Variants in SLC17A9 observed in about 807,000 individuals in gnomAD.
The protein encoded by SLC17A9 is solute carrier family 17 member 9.
A neutral mutation model predicts 55.0 loss-of-function variants in SLC17A9; 49 were observed. That is an observed-to-expected ratio of 0.89 (90% confidence interval 0.71 to 1.13). The LOEUF is 1.13. Among genes scored for constraint, SLC17A9 ranks in the 50% most tolerant of loss-of-function variants. SLC17A9 has a pLI of 0.00. For synonymous variants in SLC17A9, 256 were observed against 247.4 expected (o/e 1.03, Z -0.32); for missense variants, 526 against 569.3 (o/e 0.92, Z 0.77).
rs201651649 is a variant in SLC17A9 at position 62,963,713 on chromosome 20, G to A, written c.822+33G>A. 49 of 1,545,730 alleles carry A rather than the reference G, an allele frequency of 3.2e-5. No homozygotes were observed. The Middle Eastern group carries it at 6.8e-4, about 21-fold the overall frequency. On this transcript the variant is annotated intron_variant, in intron 7 of 12. Coordinates refer to ENST00000370351, the MANE Select transcript of SLC17A9 (RefSeq NM_022082.4). ...GGGGGCTCCCGCAGGGTGAAGGAGC[G>A]CCCAGAAGGCACGAGGCTTGAGCTG...
chr20:62,957,852 C>T (rs6122333), intron 3 of SLC17A9, among the ~76,000 whole-genome samples: 46,416 of 106,084 alleles, frequency 0.44, 12,588 homozygotes, highest in East Asian at 0.74. Flanking sequence ...TGCACCTGTG[C>T]GTGTGCGTGT....
At chr20:62,957,396 G>A (rs1461386045) in intron 2 of SLC17A9, 45 bp from the exon 3 acceptor site, 1 of 1,534,536 alleles carries the variant, frequency 6.5e-7, no homozygotes. Context: ...GGTGCCCCTT[G>A]GTCCTGCACA....
Position 62,962,902 on chromosome 20 carries a change from G to C in SLC17A9, c.628+148G>C. The C allele has an allele frequency of 8.4e-7, 1 of 1,194,396 alleles. No homozygotes were observed. The highest frequency in any genetic ancestry group is 1.2e-6 in the Non-Finnish European group (1 of 859,546). 74.0% of individuals were successfully genotyped at this position (1,194,396 alleles called of 1,614,324 possible). On this transcript the variant is annotated intron_variant, in intron 5 of 12. Transcript: ENST00000370351. This position sits in a 1 kb window ranked among gnomAD's most constrained non-coding sequence, Gnocchi z 5.5. ...AATCCGCCAGTGAGGAAAAGCGCTCGGGTGCTGAGCTGTCAGCGGCTCCGC... is the reference window on the plus strand; with the variant it reads ...AATCCGCCAGTGAGGAAAAGCGCTCCGGTGCTGAGCTGTCAGCGGCTCCGC...
Position 62,958,228 on chromosome 20 carries a change from G to A in SLC17A9, c.397+648G>A, listed in dbSNP as rs897738938. On this transcript the variant is annotated intron_variant, in intron 3 of 12. Coordinates refer to ENST00000370351, the MANE Select transcript of SLC17A9 (RefSeq NM_022082.4). This position sits in a 1 kb window ranked among gnomAD's most constrained non-coding sequence, Gnocchi z 4.1. ...CTCTGCAGTGATACACAGGATCACA[G>A]GGGGCACCTGTGTAGTGAACTTGCC... Among the ~76,000 whole-genome samples the A allele has an allele frequency of 2.0e-5, 3 of 152,180 alleles. No individual in the cohort carries two copies. The highest frequency in any genetic ancestry group is 7.2e-5 in the African/African-American group (3 of 41,438).
rs79140591 is a variant in SLC17A9 at position 62,964,952 on chromosome 20, C to T, written c.911-180C>T. ...CCTTCCAAAGGCGCACATGCGGCCTCGCGGCTGCACCCCACATGCGTGTGT... is the reference window on the plus strand; with the variant it reads ...CCTTCCAAAGGCGCACATGCGGCCTTGCGGCTGCACCCCACATGCGTGTGT... On this transcript the variant is annotated intron_variant, in intron 8 of 12. Transcript: ENST00000370351. The T allele has an allele frequency of 3.8e-3, 2,457 of 643,300 alleles. 46 individuals carry two copies. Among genetic ancestry groups the T allele is most frequent in the African/African-American group, 0.038 (2,092 of 54,868 alleles). 39.8% of individuals were successfully genotyped at this position (643,300 alleles called of 1,614,324 possible). A position where few individuals can be genotyped will look rare whatever the true frequency, so the allele number is the denominator to read the frequency against.
rs912273938 is a variant in SLC17A9 at position 62,967,516 on chromosome 20, C to T, written c.*16C>T. ...GGACCTCTAGCTCCCAACCCCACAG[C>T]CTCTCCAAGGACCCAGGCGCCAGCA... On this transcript the variant is annotated 3_prime_UTR_variant, in exon 13 of 13. Coordinates refer to ENST00000370351, the MANE Select transcript of SLC17A9 (RefSeq NM_022082.4). 6.2e-7 allele frequency: 1 copy of T among 1,611,000 alleles called. No individual in the cohort carries two copies. The highest frequency in any genetic ancestry group is 1.7e-4 in the Middle Eastern group (1 of 6,036).
intron 3 of SLC17A9, among the ~76,000 whole-genome samples, chr20:62,959,697 C>T (rs2427462): frequency 0.43 from 65,483 of 152,146 alleles, 15,832 homozygotes; most frequent in East Asian, 0.75. Context: ...GAGCGCTCTG[C>T]GGTTAAAAGT....
At position 62,957,751 on chromosome 20, in the gene SLC17A9, AGT is replaced by A. The variant is rs1206192671; in HGVS notation, c.397+178_397+179del. 4.9e-5 allele frequency among the ~76,000 whole-genome samples: 7 copies of A among 143,134 alleles called. 1 individual carries two copies. The highest frequency in any genetic ancestry group is 9.2e-5 in the Non-Finnish European group (6 of 65,484). The allele number at this position is 143,134 out of a possible 152,430, so 93.9% of individuals were successfully genotyped here. A position where few individuals can be genotyped will look rare whatever the true frequency, so the allele number is the denominator to read the frequency against. The stretch of plus-strand genomic sequence containing the variant: ...GCACCTGTGTGTGTGTGCGTGTGTA[AGT>A]GTGTGTATGGCATGCCCGCGTGCAT... On this transcript the variant is annotated intron_variant, in intron 3 of 12. Transcript: ENST00000370351.
Position 62,966,522 on chromosome 20 carries a change from C to T in SLC17A9, c.1062-3C>T. The T allele has an allele frequency of 1.2e-6, 2 of 1,614,026 alleles. No homozygotes were observed. Among genetic ancestry groups the T allele is most frequent in the South Asian group, 1.1e-5 (1 of 91,068 alleles). On this transcript the variant is annotated splice_region_variant and splice_polypyrimidine_tract_variant and intron_variant, in intron 10 of 12. Coordinates refer to ENST00000370351, the MANE Select transcript of SLC17A9 (RefSeq NM_022082.4). ...CACTCACCACCCTCTTTCCTCCCCACAGTGGCATTTCTGTTAACATCCAGG... is the reference window on the plus strand; with the variant it reads ...CACTCACCACCCTCTTTCCTCCCCATAGTGGCATTTCTGTTAACATCCAGG...
Position 62,957,578 on chromosome 20 carries a change from A to G in SLC17A9, c.395A>G (p.Gln132Arg). Residue 132 changes from glutamine to arginine, a missense_variant and splice_region_variant, in exon 3 of 13, where the codon CAA becomes CGA. Physicochemically the swap from Gln to Arg is conservative, Grantham distance 43. Transcript: ENST00000370351. ...TCACGCATCCTCATGGGCTTGCTCC[A>G]AGGTAAGGGGAGCTCAGGCGGCTCC... ...TFSRILMGLLQGVYFPALTSL... is the reference protein window; with the variant it reads ...TFSRILMGLLRGVYFPALTSL... 1 of 1,554,076 alleles carries G rather than the reference A, an allele frequency of 6.4e-7. No individual in the cohort carries two copies. The highest frequency in any genetic ancestry group is 8.7e-7 in the Non-Finnish European group (1 of 1,151,944).
intron 6 of SLC17A9, 97 bp from the exon 7 acceptor site, chr20:62,963,487 G>C: frequency 6.6e-7 from 1 of 1,506,326 alleles, no homozygotes; most frequent in Non-Finnish European, 9.0e-7. Context: ...CAGAGAAGTG[G>C]GACTCTGGCC....
intron 9 of SLC17A9, 82 bp from the exon 10 acceptor site, chr20:62,965,528 G>C (rs1042975225): frequency 2.7e-5 from 36 of 1,322,382 alleles, no homozygotes; most frequent in Non-Finnish European, 3.6e-5. Context: ...CGCCCAGGGG[G>C]GCTTTCGGGC....
rs1373290555 is a variant in SLC17A9 at position 62,962,136 on chromosome 20, G to A, written c.498-488G>A. The A allele has an allele frequency of 4.6e-5, 7 of 153,712 alleles. No homozygotes were observed. The highest frequency in any genetic ancestry group is 1.7e-4 in the African/African-American group (7 of 41,474). 9.5% of individuals were successfully genotyped at this position (153,712 alleles called of 1,614,324 possible). ...TGGGACAATGAAGTCATGGGGACGG[G>A]ATGGGGGTTGTTGGATTTGGCCGTC... On this transcript the variant is annotated intron_variant, in intron 4 of 12. Transcript: ENST00000370351. This position sits in a 1 kb window ranked among gnomAD's most constrained non-coding sequence, Gnocchi z 5.5.
Position 62,962,678 on chromosome 20 carries a change from G to C in SLC17A9, c.552G>C (p.Gln184His). Residue 184 changes from glutamine to histidine, a missense_variant, in exon 5 of 13, where the codon CAG becomes CAC. Transcript: ENST00000370351. The surrounding 1 kb of genome is among the most constrained non-coding windows in gnomAD (Gnocchi z 5.5). ...GSLLLEWYGW[Q>H]SIFYFSGGLT... ...TGCTCCTGGAATGGTACGGCTGGCA[G>C]AGCATCTTCTATTTCTCCGGCGGCC... The C allele has an allele frequency of 6.2e-7, 1 of 1,614,118 alleles. No homozygotes were observed. The highest frequency in any genetic ancestry group is 2.2e-5 in the East Asian group (1 of 44,882).
intron 3 of SLC17A9, 151 bp from the exon 4 acceptor site, chr20:62,960,353 C>T: frequency 1.4e-6 from 1 of 700,422 alleles, no homozygotes; most frequent in Admixed American, 2.5e-5. Context: ...TCAGTGGCAC[C>T]AAAAGCCCTG....
chr20:62,956,648 A>T (rs1274292203), intron 1 of SLC17A9, 117 bp from the exon 2 acceptor site: 1 of 958,406 alleles, frequency 1.0e-6, no homozygotes, highest in African/African-American at 1.6e-5. Context: ...CCCTCCATCA[A>T]AGCTGTCCCC....
intron 1 of SLC17A9, among the ~76,000 whole-genome samples, 156 bp from the exon 2 acceptor site, chr20:62,956,609 G>A (rs1258189152): frequency 6.6e-6 from 1 of 152,180 alleles, no homozygotes; most frequent in African/African-American, 2.4e-5. Context: ...AGATAGGTGC[G>A]ATTAGGTGTT....
Position 62,967,697 on chromosome 20 carries a change from G to C in SLC17A9, c.*197G>C, listed in dbSNP as rs1443128117. ...TGGGGTGGGCCTGGGTCCAGACCAG[G>C]CTCGCTGCTCTCTGGGCCTCAGTTT... On this transcript the variant is annotated 3_prime_UTR_variant, in exon 13 of 13. Transcript: ENST00000370351. 4 of 567,870 alleles carry C rather than the reference G, an allele frequency of 7.0e-6. 1 individual carries two copies. The highest frequency in any genetic ancestry group is 1.2e-5 in the Non-Finnish European group (4 of 331,440). 35.2% of individuals were successfully genotyped at this position (567,870 alleles called of 1,614,324 possible).
At position 62,962,547 on chromosome 20, in the gene SLC17A9, G is replaced by A. The variant is rs141567274; in HGVS notation, c.498-77G>A. 167 of 1,551,368 alleles carry A rather than the reference G, an allele frequency of 1.1e-4. 1 individual carries two copies. In the African/African-American group the frequency reaches 2.0e-3, roughly 19 times the overall value. The stretch of plus-strand genomic sequence containing the variant: ...CTCCAGGGGCTCAGCCTGCACCAGG[G>A]TGGGGTTTCTGAGAGGCCCCTCCTC... On this transcript the variant is annotated intron_variant, in intron 4 of 12. Transcript: ENST00000370351. This position sits in a 1 kb window ranked among gnomAD's most constrained non-coding sequence, Gnocchi z 5.5.
Sources: allele counts gnomAD v4.1 joint callset (sites outside exome capture counted in the v4.1 genomes callset), GRCh38; gene constraint gnomAD v4.1.1; non-coding constraint Gnocchi (gnomAD v3.1); transcripts MANE v1.5; gene names NCBI Gene and HGNC (gene_info 2026-07-23, HGNC 2026-07-21).